Variants in ADAMTS18 observed in about 807,000 individuals in gnomAD.
ADAMTS18 encodes A disintegrin and metalloproteinase with thrombospondin motifs 18.
A neutral mutation model predicts 165.9 loss-of-function variants in ADAMTS18; 157 were observed. The observed-to-expected ratio is 0.95, with a 90% confidence interval of 0.83 to 1.08. The LOEUF is 1.08. Ranked by LOEUF, ADAMTS18 falls within the 50% of genes least tolerant of loss-of-function variation. ADAMTS18 has a pLI of 0.00. For synonymous variants in ADAMTS18, 782 were observed against 578.2 expected, an observed-to-expected ratio of 1.35 and a Z score of -5.06; for missense variants, 2,040 against 1,534.0, an observed-to-expected ratio of 1.33 and a Z score of -5.51.
intron 17 of ADAMTS18, among the ~76,000 whole-genome samples, chr16:77,298,628 T>A (rs935480381): frequency 1.5e-4 from 22 of 151,504 alleles, no homozygotes; most frequent in African/African-American, 4.1e-4. Context: ...CCCATCTCTA[T>A]AAAAAAGAAA....
chr16:77,322,273 G>A, intron 14 of ADAMTS18, 63 bp downstream of exon 14: 1 of 1,593,174 alleles, frequency 6.3e-7, no homozygotes, highest in Non-Finnish European at 8.6e-7. Flanking sequence ...ACTGTTCACG[G>A]TACACACGAT....
chr16:77,399,533 T>C (rs1031860212), intron 3 of ADAMTS18, among the ~76,000 whole-genome samples: 2 of 152,208 alleles, frequency 1.3e-5, no homozygotes, highest in Non-Finnish European at 2.9e-5. Context: ...TTTGTTTCTT[T>C]TCATTAAGAG....
intron 3 of ADAMTS18, among the ~76,000 whole-genome samples, chr16:77,372,305 A>T (rs1054790492): frequency 3.9e-5 from 6 of 152,220 alleles, no homozygotes; most frequent in Non-Finnish European, 7.3e-5. Flanking sequence ...TGTTGAAGAG[A>T]TATCTGCACT....
intron 22 of ADAMTS18, among the ~76,000 whole-genome samples, chr16:77,284,548 T>C (rs1266234509): frequency 6.6e-6 from 1 of 152,120 alleles, no homozygotes; most frequent in Non-Finnish European, 1.5e-5. Flanking sequence ...GTTTTTCCCA[T>C]TAAACATTGG....
chr16:77,428,470 G>A (rs946411161), intron 3 of ADAMTS18, among the ~76,000 whole-genome samples: 1 of 152,042 alleles, frequency 6.6e-6, no homozygotes, highest in Non-Finnish European at 1.5e-5. Flanking sequence ...CCCATAATGT[G>A]GTACTACTTC....
chr16:77,307,731 T>C (rs2055706829), intron 16 of ADAMTS18, among the ~76,000 whole-genome samples: 1 of 152,196 alleles, frequency 6.6e-6, no homozygotes, highest in Non-Finnish European at 1.5e-5. Flanking sequence ...TTTTGTGTCT[T>C]GTGTCTTCAC....
chr16:77,286,677 C>A (rs907202431), intron 22 of ADAMTS18, among the ~76,000 whole-genome samples: 1 of 151,960 alleles, frequency 6.6e-6, no homozygotes, highest in Non-Finnish European at 1.5e-5. Flanking sequence ...ATGCTGCCTG[C>A]CCCCATCTGA....
At chr16:77,359,548 GGAAA>G (rs72406902) in intron 7 of ADAMTS18, 125 bp from the exon 8 acceptor site, 222,474 of 620,554 alleles carry the variant, frequency 0.36, 17,339 homozygotes, top group Non-Finnish European at 0.39. Context: ...CAGTGTTTTT[GGAAA>G]AAAAAAAAAA....
intron 19 of ADAMTS18, 135 bp downstream of exon 19, chr16:77,294,788 G>C (rs993570168): frequency 5.8e-6 from 5 of 864,698 alleles, no homozygotes; most frequent in Admixed American, 4.4e-5. Flanking sequence ...TTAAAATGCA[G>C]ATTCCCAGGC....
At position 77,431,300 on chromosome 16, in the gene ADAMTS18, C is replaced by T; in HGVS notation, c.490G>A (p.Gly164Ser). The T allele has an allele frequency of 6.2e-7, 1 of 1,614,116 alleles. No homozygotes were observed. The highest frequency in any genetic ancestry group is 8.5e-7 in the Non-Finnish European group (1 of 1,180,020). ...TCAGACTGGGGTGTACTTACCAAGC[C>T]AGCACACGTAGACACAGCGACAGAG... ...SSSVAVSTCA[G>S]LSGLIRTRKN... The change falls in exon 3 of 23, where the codon GGC becomes AGC. Residue 164 changes from glycine (G) to serine (S), a missense_variant. Transcript: ENST00000282849.
intron 16 of ADAMTS18, among the ~76,000 whole-genome samples, chr16:77,304,709 A>G (rs1314961066): frequency 6.6e-6 from 1 of 152,250 alleles, no homozygotes; most frequent in Non-Finnish European, 1.5e-5. Context: ...GGCCAAAAGA[A>G]AAAGAGAAAT....
At chr16:77,384,137 G>C (rs1013070340) in intron 3 of ADAMTS18, among the ~76,000 whole-genome samples, 4 of 152,004 alleles carry the variant, frequency 2.6e-5, no homozygotes, top group African/African-American at 9.7e-5. Flanking sequence ...AAATATTTTT[G>C]GTATTAATCA....
At chr16:77,316,715 G>C (rs1358918640) in intron 16 of ADAMTS18, among the ~76,000 whole-genome samples, 1 of 152,090 alleles carries the variant, frequency 6.6e-6, no homozygotes, top group Non-Finnish European at 1.5e-5. Flanking sequence ...TGCCACCCAG[G>C]CTGGAGTGCA....
intron 4 of ADAMTS18, among the ~76,000 whole-genome samples, 161 bp downstream of exon 4, chr16:77,367,280 C>A (rs1216892627): frequency 2.0e-5 from 3 of 152,188 alleles, no homozygotes; most frequent in Admixed American, 6.5e-5. Context: ...AATAATTGAT[C>A]ATCCAGCATT....
chr16:77,308,491 AAGG>A (rs36179499), intron 16 of ADAMTS18, among the ~76,000 whole-genome samples: 75,751 of 151,268 alleles, frequency 0.5, 19,701 homozygotes, highest in Non-Finnish European at 0.54. Context: ...AGAGGAGAGA[AAGG>A]AGGAGCATGA....
chr16:77,404,362 G>T (rs537817254), intron 3 of ADAMTS18, among the ~76,000 whole-genome samples: 14 of 152,212 alleles, frequency 9.2e-5, no homozygotes, highest in African/African-American at 3.1e-4. Context: ...TAGATTTAGG[G>T]GGGAAACAGA....
chr16:77,357,448 C>T (rs1194844114), intron 8 of ADAMTS18, among the ~76,000 whole-genome samples: 1 of 152,138 alleles, frequency 6.6e-6, no homozygotes, highest in African/African-American at 2.4e-5. Context: ...TTCTTCTTCT[C>T]ACCTAACCAA....
At chr16:77,384,637 C>T (rs540156533) in intron 3 of ADAMTS18, among the ~76,000 whole-genome samples, 45 of 152,302 alleles carry the variant, frequency 3.0e-4, no homozygotes, top group African/African-American at 1.1e-3. Flanking sequence ...CCCTGGCTAA[C>T]ACCCAACTTA....
At chr16:77,402,166 G>A (rs1347829634) in intron 3 of ADAMTS18, among the ~76,000 whole-genome samples, 2 of 151,992 alleles carry the variant, frequency 1.3e-5, no homozygotes, top group South Asian at 2.1e-4. Context: ...TAATACACTC[G>A]GTCTCCTTCT....
Sources: gnomAD v4.1 joint callset for allele counts (sites outside exome capture counted in the v4.1 genomes callset) on GRCh38, gnomAD v4.1.1 for gene constraint, MANE v1.5 for transcripts, NCBI Gene and HGNC (gene_info 2026-07-23, HGNC 2026-07-21) for gene names.